KALRN: variants seen among roughly 807,000 people sequenced by gnomAD.
The protein encoded by KALRN is kalirin RhoGEF kinase, also known as kalirin.
Under a neutral mutation model 353.7 loss-of-function variants are expected in KALRN, and 70 were observed. That is an observed-to-expected ratio of 0.20 (90% CI 0.16 to 0.24). The LOEUF (loss-of-function observed/expected upper bound fraction) is 0.24. Ranked by LOEUF, KALRN falls within the 10% of genes least tolerant of loss-of-function variation. KALRN has a pLI of 1.00. For missense variants in KALRN, 2,791 were observed against 3,756.7 expected (o/e 0.74, Z 6.72); for synonymous variants, 1,391 against 1,434.8 (o/e 0.97, Z 0.69).
chr3:124,461,793 T>C, intron 23 of KALRN, 97 bp from the exon 24 acceptor site: 1 of 844,626 alleles, frequency 1.2e-6, no homozygotes, highest in Non-Finnish European at 1.9e-6. Context: ...AATAAGACAT[T>C]TAAGAATGTC....
intron 1 of KALRN, among the ~76,000 whole-genome samples, chr3:124,142,747 A>G (rs1039077602): frequency 3.3e-5 from 5 of 150,448 alleles, no homozygotes; most frequent in African/African-American, 7.3e-5. Context: ...CCCTCTTTCC[A>G]TCTCCACCCC....
intron 34 of KALRN, among the ~76,000 whole-genome samples, chr3:124,617,642 C>T (rs2078766693): frequency 6.6e-6 from 1 of 152,180 alleles, no homozygotes; most frequent in Non-Finnish European, 1.5e-5. Flanking sequence ...CTCTGGTGCA[C>T]ATCAGAATTA....
chr3:124,624,789 G>A (rs1414773216), intron 34 of KALRN, among the ~76,000 whole-genome samples: 1 of 152,206 alleles, frequency 6.6e-6, no homozygotes, highest in Non-Finnish European at 1.5e-5. Context: ...ATAGCCAAAG[G>A]ATGAGGCTAC....
intron 37 of KALRN, among the ~76,000 whole-genome samples, chr3:124,647,138 C>T (rs1336932878): frequency 1.3e-5 from 2 of 152,010 alleles, no homozygotes; most frequent in Non-Finnish European, 2.9e-5. Context: ...AACTCCTGAG[C>T]TCAAATGACC....
At chr3:124,516,655 A>AAT (rs1382886509) in intron 33 of KALRN, among the ~76,000 whole-genome samples, 1 of 148,886 alleles carries the variant, frequency 6.7e-6, no homozygotes, top group African/African-American at 2.4e-5. Flanking sequence ...AAAAAAAAAA[A>AAT]CCTGGTAATG....
At chr3:124,584,900 T>C in intron 34 of KALRN, 3 of 1,602,388 alleles carry the variant, frequency 1.9e-6, no homozygotes, top group African/African-American at 1.3e-5. Flanking sequence ...TTGCTTCCCG[T>C]GTAGAGGTGA....
intron 33 of KALRN, among the ~76,000 whole-genome samples, chr3:124,513,506 G>A (rs1481737182): frequency 1.3e-5 from 2 of 152,106 alleles, no homozygotes; most frequent in Admixed American, 6.6e-5. Context: ...CAGGAGGTGG[G>A]TCAAGACAGC....
chr3:124,553,818 C>T, intron 33 of KALRN, among the ~76,000 whole-genome samples: 1 of 152,374 alleles, frequency 6.6e-6, no homozygotes, highest in Admixed American at 6.5e-5. Flanking sequence ...TTACCTCCAG[C>T]CTGAGGGTCA....
intron 28 of KALRN, among the ~76,000 whole-genome samples, chr3:124,487,414 C>T (rs1446270216): frequency 6.6e-6 from 1 of 152,148 alleles, no homozygotes; most frequent in Admixed American, 6.5e-5. Flanking sequence ...CCCCTGGAAG[C>T]CTCAATGGGG....
chr3:124,323,091 C>CAA (rs34950959), intron 6 of KALRN, among the ~76,000 whole-genome samples: 19 of 151,870 alleles, frequency 1.3e-4, no homozygotes, highest in African/African-American at 4.4e-4. Flanking sequence ...GATAAGGAAA[C>CAA]AAAAAAAGCA....
chr3:124,332,594 A>G (rs972034734), intron 8 of KALRN, among the ~76,000 whole-genome samples: 1 of 152,038 alleles, frequency 6.6e-6, no homozygotes, highest in African/African-American at 2.4e-5. Flanking sequence ...TGTTGATTGT[A>G]TGTGTCATTT....
intron 1 of KALRN, among the ~76,000 whole-genome samples, chr3:124,115,938 T>A (rs150922494): frequency 6.6e-6 from 1 of 152,382 alleles, no homozygotes; most frequent in East Asian, 1.9e-4. Context: ...GATGCATTTT[T>A]AAAGATAAGA....
intron 34 of KALRN, among the ~76,000 whole-genome samples, chr3:124,591,018 A>G (rs2075712900): frequency 1.3e-5 from 2 of 152,126 alleles, no homozygotes; most frequent in Admixed American, 1.3e-4. Context: ...TGAGAAGGGT[A>G]GAGATAGTAC....
At chr3:124,360,624 T>TC (rs1236152180) in intron 10 of KALRN, among the ~76,000 whole-genome samples, 1 of 152,214 alleles carries the variant, frequency 6.6e-6, no homozygotes, top group Admixed American at 6.5e-5. Flanking sequence ...GGAAAGCTAT[T>TC]CCAGAGGAAA....
chr3:124,574,860 C>T (rs992096146), intron 34 of KALRN, among the ~76,000 whole-genome samples: 2 of 152,194 alleles, frequency 1.3e-5, no homozygotes, highest in East Asian at 3.8e-4. Context: ...CCTCAAAGGC[C>T]TTGAGGAGCA....
chr3:124,327,415 A>G (rs2080033566), intron 7 of KALRN, among the ~76,000 whole-genome samples: 1 of 152,172 alleles, frequency 6.6e-6, no homozygotes, highest in Admixed American at 6.5e-5. Flanking sequence ...AGAACTATAC[A>G]TGTTTGTCAG....
At chr3:124,256,423 C>T (rs2071989514) in intron 3 of KALRN, among the ~76,000 whole-genome samples, 1 of 152,318 alleles carries the variant, frequency 6.6e-6, no homozygotes, top group Non-Finnish European at 1.5e-5. Context: ...CAAAGGCCAA[C>T]AAACTGGTTG....
chr3:124,568,885 T>C (rs1046146208), intron 34 of KALRN, among the ~76,000 whole-genome samples: 1 of 152,224 alleles, frequency 6.6e-6, no homozygotes, highest in African/African-American at 2.4e-5. Flanking sequence ...TTTTGCAAGA[T>C]GAAAAATGTT....
intron 57 of KALRN, among the ~76,000 whole-genome samples, chr3:124,707,298 G>A (rs1390545779): frequency 6.6e-6 from 1 of 152,196 alleles, no homozygotes; most frequent in Non-Finnish European, 1.5e-5. Context: ...CTGCATTCCA[G>A]CCTGGGCAAC....
Sources: allele counts gnomAD v4.1 joint callset (sites outside exome capture counted in the v4.1 genomes callset), GRCh38; gene constraint gnomAD v4.1.1; transcripts MANE v1.5; gene names NCBI Gene and HGNC (gene_info 2026-07-23, HGNC 2026-07-21).